Variants in EFCAB13 observed in about 807,000 individuals in gnomAD.
EFCAB13 encodes EF-hand calcium binding domain 13.
Under a neutral mutation model 110.2 loss-of-function variants are expected in EFCAB13, and 91 were observed. The observed-to-expected ratio is 0.83, with a 90% CI of 0.70 to 0.98. The LOEUF is 0.98. Among genes scored for constraint, EFCAB13 ranks in the 50% least tolerant of loss-of-function variants. The pLI is 0.00. For synonymous variants in EFCAB13, 323 were observed against 369.9 expected (o/e 0.87, Z 1.45); for missense variants, 968 against 1,119.4 (o/e 0.86, Z 1.93).
chr17:47,398,374 AT>A (rs2065759388), intron 17 of EFCAB13, among the ~76,000 whole-genome samples: 4 of 151,170 alleles, frequency 2.6e-5, no homozygotes, highest in Admixed American at 2.6e-4. Context: ...CCAACAGCTC[AT>A]TGAGAACGGG....
intron 11 of EFCAB13, among the ~76,000 whole-genome samples, chr17:47,370,738 GTTTTTT>G (rs764924546): frequency 7.9e-6 from 1 of 127,204 alleles, no homozygotes; most frequent in African/African-American, 3.0e-5. Context: ...GTTGTTGTTT[GTTTTTT>G]TTTTTTTTTT....
chr17:47,350,560 A>G (rs960807370), intron 9 of EFCAB13, among the ~76,000 whole-genome samples: 67 of 152,108 alleles, frequency 4.4e-4, no homozygotes, highest in African/African-American at 1.6e-3. Context: ...ACATGCCAAT[A>G]TAATTATTAC....
chr17:47,342,027 A>G lies in EFCAB13; in HGVS notation c.298A>G (p.Thr100Ala). Residue 100 changes from threonine (T) to alanine (A), a missense_variant, in exon 6 of 25, where the codon ACT becomes GCT. By Grantham distance (58) the Thr-to-Ala change is moderately conservative. Coordinates refer to ENST00000331493, the MANE Select transcript of EFCAB13 (RefSeq NM_152347.5). ...SLQVQQHSKR[T>A]EIIPPFLKLS... is the part of the protein sequence containing the mutation. ...ACAAGTACAACAGCACAGTAAAAGA[A>G]CTGAGGTAAATAAAGATTTGGAAAT... 6.5e-7 allele frequency: 1 copy of G among 1,549,252 alleles called. No homozygotes were observed. The highest frequency in any genetic ancestry group is 8.8e-7 in the Non-Finnish European group (1 of 1,142,142).
chr17:47,337,428 C>T (rs776040196), intron 5 of EFCAB13, among the ~76,000 whole-genome samples: 14 of 152,090 alleles, frequency 9.2e-5, no homozygotes, highest in Non-Finnish European at 1.6e-4. Context: ...AAACTCACCA[C>T]AATGCCTATG....
At chr17:47,432,929 A>G (rs1041351766) in intron 24 of EFCAB13, among the ~76,000 whole-genome samples, 9 of 152,234 alleles carry the variant, frequency 5.9e-5, no homozygotes, top group Non-Finnish European at 1.3e-4. Flanking sequence ...AGCATCATAC[A>G]TAGCCATGTA....
At chr17:47,415,551 G>T (rs1030327325) in intron 23 of EFCAB13, among the ~76,000 whole-genome samples, 11 of 152,108 alleles carry the variant, frequency 7.2e-5, no homozygotes, top group African/African-American at 2.7e-4. Context: ...ACAAGGTAAG[G>T]TTAAAAAGAT....
chr17:47,363,740 A>G (rs771531322), intron 10 of EFCAB13, among the ~76,000 whole-genome samples: 18 of 152,164 alleles, frequency 1.2e-4, no homozygotes, highest in African/African-American at 4.3e-4. Flanking sequence ...ATAATCAGAC[A>G]TGACATCTTT....
intron 10 of EFCAB13, among the ~76,000 whole-genome samples, chr17:47,362,319 T>C (rs906532676): frequency 6.6e-6 from 1 of 152,022 alleles, no homozygotes; most frequent in Non-Finnish European, 1.5e-5. Context: ...TAGTGAGAAA[T>C]GACCAGAAGA....
At position 47,374,708 on chromosome 17, in the gene EFCAB13, G is replaced by A; in HGVS notation, c.1114G>A (p.Gly372Arg). ...TTGGCAAATAAGAAAATTTCTGGGT[G>A]GGGTTGGCAGCAGTAATGTAGGAGT... Reference protein sequence around the residue: ...NTWQIRKFLGGVGSSNVGVQE... With the variant: ...NTWQIRKFLGRVGSSNVGVQE... Residue 372 changes from glycine to arginine, a missense_variant, in exon 12 of 25, where the codon GGG becomes AGG. Physicochemically the swap from Gly to Arg is moderately radical, Grantham distance 125. Coordinates refer to ENST00000331493, the MANE Select transcript of EFCAB13 (RefSeq NM_152347.5). 6.2e-7 allele frequency: 1 copy of A among 1,613,514 alleles called. No homozygotes were observed. Among genetic ancestry groups the A allele is most frequent in the East Asian group, 2.2e-5 (1 of 44,864 alleles).
intron 10 of EFCAB13, among the ~76,000 whole-genome samples, chr17:47,362,187 A>G (rs1339673153): frequency 1.3e-5 from 2 of 152,174 alleles, no homozygotes; most frequent in South Asian, 2.1e-4. Context: ...ATGATTATAT[A>G]TGAATATAAT....
intron 2 of EFCAB13, among the ~76,000 whole-genome samples, chr17:47,325,923 A>ATAT (rs2065280385): frequency 1.0e-3 from 104 of 102,550 alleles, no homozygotes; most frequent in African/African-American, 3.6e-3. Context: ...ATATAAACAA[A>ATAT]ATATATATAT....
intron 24 of EFCAB13, among the ~76,000 whole-genome samples, chr17:47,434,876 T>C (rs1488790840): frequency 6.6e-6 from 1 of 152,114 alleles, no homozygotes; most frequent in Admixed American, 6.6e-5. Flanking sequence ...ACTCACCTTA[T>C]ACAAAATCAA....
chr17:47,351,719 C>G (rs1358976849), intron 9 of EFCAB13, among the ~76,000 whole-genome samples: 1 of 151,950 alleles, frequency 6.6e-6, no homozygotes, highest in Non-Finnish European at 1.5e-5. Flanking sequence ...CAAATATTTT[C>G]TCCTATTCTT....
intron 20 of EFCAB13, among the ~76,000 whole-genome samples, chr17:47,406,789 A>G (rs2065807770): frequency 6.6e-6 from 1 of 152,192 alleles, no homozygotes; most frequent in Admixed American, 6.5e-5. Context: ...CAGAAATGTC[A>G]AGATAACTCA....
intron 23 of EFCAB13, among the ~76,000 whole-genome samples, chr17:47,425,521 G>A (rs1318607181): frequency 6.6e-6 from 1 of 152,194 alleles, no homozygotes; most frequent in Non-Finnish European, 1.5e-5. Context: ...TTGGATCAAA[G>A]TGATTCTGGT....
chr17:47,368,415 A>G (rs754219747), intron 10 of EFCAB13, among the ~76,000 whole-genome samples: 21 of 152,330 alleles, frequency 1.4e-4, no homozygotes, highest in Middle Eastern at 6.8e-3. Context: ...CAGACTGTGG[A>G]GCAAAGGTGG....
At chr17:47,349,455 A>G (rs968454623) in intron 9 of EFCAB13, among the ~76,000 whole-genome samples, 6 of 152,198 alleles carry the variant, frequency 3.9e-5, no homozygotes, top group Non-Finnish European at 5.9e-5. Flanking sequence ...TACTAGTCCC[A>G]TAGCATTCTT....
intron 12 of EFCAB13, among the ~76,000 whole-genome samples, chr17:47,377,186 AACAC>A (rs540136692): frequency 6.6e-6 from 1 of 151,304 alleles, no homozygotes; most frequent in Non-Finnish European, 1.5e-5. Context: ...TACACATACA[AACAC>A]ACACACACAC....
chr17:47,372,245 T>C (rs1401560182), intron 11 of EFCAB13, among the ~76,000 whole-genome samples: 3 of 152,158 alleles, frequency 2.0e-5, no homozygotes, highest in African/African-American at 7.2e-5. Context: ...GTATTTACTG[T>C]AGGTTTTTGA....
Sources: allele counts gnomAD v4.1 joint callset (sites outside exome capture counted in the v4.1 genomes callset), GRCh38; gene constraint gnomAD v4.1.1; transcripts MANE v1.5; gene names NCBI Gene and HGNC (gene_info 2026-07-23, HGNC 2026-07-21).